Variants in GABPB1 observed in about 807,000 individuals in gnomAD.
GABPB1 encodes the protein GA binding protein transcription factor subunit beta 1, also known as GA-binding protein subunit beta-1.
A neutral mutation model predicts 45.9 loss-of-function variants in GABPB1; 15 were observed. The ratio of observed to expected loss-of-function variants is 0.33; its 90% CI spans 0.22 to 0.50. The LOEUF is 0.50. Among genes scored for constraint, GABPB1 ranks in the 20% least tolerant of loss-of-function variants. The pLI is 0.98. For synonymous variants in GABPB1, 143 were observed against 154.4 expected (o/e 0.93, Z 0.55); for missense variants, 252 against 457.5 (o/e 0.55, Z 4.10).
chr15:50,325,915 T>G (rs567547281), intron 1 of GABPB1, among the ~76,000 whole-genome samples: 32 of 149,478 alleles, frequency 2.1e-4, no homozygotes, highest in African/African-American at 7.1e-4. Context: ...TTTTTTTGTT[T>G]TTTTTTTTTT....
intron 1 of GABPB1, among the ~76,000 whole-genome samples, chr15:50,324,416 G>C (rs2047677130): frequency 6.6e-6 from 1 of 152,000 alleles, no homozygotes; most frequent in South Asian, 2.1e-4. Flanking sequence ...CCAAGGTTTG[G>C]AAAAGTCACC....
At chr15:50,348,195 G>C (rs2048672860) in intron 1 of GABPB1, among the ~76,000 whole-genome samples, 1 of 152,156 alleles carries the variant, frequency 6.6e-6, no homozygotes, top group Admixed American at 6.5e-5. Flanking sequence ...TATAATCACA[G>C]CATTAGTGGG....
At chr15:50,330,531 C>G (rs1323073266) in intron 1 of GABPB1, among the ~76,000 whole-genome samples, 1 of 150,130 alleles carries the variant, frequency 6.7e-6, no homozygotes, top group Non-Finnish European at 1.5e-5. Context: ...TCTCCTTCCT[C>G]ATCTCATACA....
intron 1 of GABPB1, chr15:50,346,490 T>C (rs1331877541): frequency 6.6e-6 from 1 of 152,148 alleles, no homozygotes; most frequent in African/African-American, 2.4e-5. Flanking sequence ...AAGTGCAGAC[T>C]GTATCTAGTG....
intron 1 of GABPB1, among the ~76,000 whole-genome samples, chr15:50,337,124 TA>T (rs2048174439): frequency 1.3e-4 from 1 of 7,604 alleles, no homozygotes; most frequent in African/African-American, 1.4e-3. Flanking sequence ...TATATATATA[TA>T]TATAATATGA....
chr15:50,345,978 T>A (rs1240860536), intron 1 of GABPB1, among the ~76,000 whole-genome samples: 1 of 152,188 alleles, frequency 6.6e-6, no homozygotes, highest in African/African-American at 2.4e-5. Context: ...CCCAAAGTGC[T>A]GGGTTTACAG....
At chr15:50,347,030 C>T (rs142741005) in intron 1 of GABPB1, among the ~76,000 whole-genome samples, 3 of 152,082 alleles carry the variant, frequency 2.0e-5, no homozygotes, top group Non-Finnish European at 4.4e-5. Flanking sequence ...CCTCCTGATC[C>T]ACCCACCTCA....
chr15:50,348,760 G>T (rs1330287117), intron 1 of GABPB1, among the ~76,000 whole-genome samples: 1 of 151,964 alleles, frequency 6.6e-6, no homozygotes, highest in Non-Finnish European at 1.5e-5. Flanking sequence ...TACTCGGGAG[G>T]CTGAGGCAGA....
intron 1 of GABPB1, among the ~76,000 whole-genome samples, chr15:50,340,959 C>CATATGGTTTATTACCTTATGTA (rs1322439602): frequency 1.7e-4 from 4 of 22,984 alleles, no homozygotes; most frequent in African/African-American, 8.7e-4. Flanking sequence ...TGTAATATTA[C>CATATGGTTTATTACCTTATGTA]ATATTACATA....
chr15:50,316,441 T>C (rs2047331946), intron 1 of GABPB1, among the ~76,000 whole-genome samples: 2 of 152,216 alleles, frequency 1.3e-5, no homozygotes, highest in African/African-American at 4.8e-5. Context: ...GAATATGAAT[T>C]TTTAAAATGT....
At chr15:50,333,577 T>A (rs1290744638) in intron 1 of GABPB1, among the ~76,000 whole-genome samples, 1 of 152,066 alleles carries the variant, frequency 6.6e-6, no homozygotes, top group Non-Finnish European at 1.5e-5. Flanking sequence ...CTTTCATAGG[T>A]GAGATGTTCG....
chr15:50,315,674 G>A (rs572627790), intron 1 of GABPB1, among the ~76,000 whole-genome samples: 28 of 152,308 alleles, frequency 1.8e-4, no homozygotes, highest in African/African-American at 6.7e-4. Context: ...CACACTCATC[G>A]TAGTTTTTGA....
At chr15:50,281,538 G>C (rs2045980066) in intron 8 of GABPB1, among the ~76,000 whole-genome samples, 1 of 152,130 alleles carries the variant, frequency 6.6e-6, no homozygotes, top group South Asian at 2.1e-4. Context: ...AGAGAAACTG[G>C]GCAGGATATG....
At chr15:50,284,051 T>C (rs1023780068) in intron 8 of GABPB1, among the ~76,000 whole-genome samples, 3 of 152,190 alleles carry the variant, frequency 2.0e-5, no homozygotes, top group Non-Finnish European at 4.4e-5. Flanking sequence ...CCACTAGTCA[T>C]GACAACCAAA....
chr15:50,329,703 T>G (rs1043327203), intron 1 of GABPB1, among the ~76,000 whole-genome samples: 4 of 152,158 alleles, frequency 2.6e-5, no homozygotes, highest in Non-Finnish European at 5.9e-5. Context: ...GAATGTGTAT[T>G]TACATAATTC....
chr15:50,289,788 A>G (rs1461789885), intron 6 of GABPB1, 120 bp from the exon 7 acceptor site: 6 of 435,242 alleles, frequency 1.4e-5, no homozygotes, highest in Non-Finnish European at 2.4e-5. Flanking sequence ...TCTTTTTTAA[A>G]TAGAGATAGG....
chr15:50,298,074 A>T (rs565737187), intron 6 of GABPB1, among the ~76,000 whole-genome samples: 16 of 152,212 alleles, frequency 1.1e-4, no homozygotes, highest in Admixed American at 1.0e-3. Context: ...TTTCAGATAT[A>T]TGTGTTTTTG....
intron 7 of GABPB1, among the ~76,000 whole-genome samples, chr15:50,287,312 G>GC (rs1402945977): frequency 6.6e-6 from 1 of 152,072 alleles, no homozygotes; most frequent in Non-Finnish European, 1.5e-5. Flanking sequence ...AACTTTAGAA[G>GC]CCATTTGGCT....
intron 7 of GABPB1, among the ~76,000 whole-genome samples, chr15:50,287,057 T>C (rs2046187171): frequency 6.6e-6 from 1 of 152,170 alleles, no homozygotes; most frequent in Non-Finnish European, 1.5e-5. Context: ...ATTTAAAACA[T>C]TAGAAATATT....
Sources: allele counts gnomAD v4.1 joint callset (sites outside exome capture counted in the v4.1 genomes callset), GRCh38; gene constraint gnomAD v4.1.1; transcripts MANE v1.5; gene names NCBI Gene and HGNC (gene_info 2026-07-23, HGNC 2026-07-21).